Variants in SUGP1 observed in about 807,000 individuals in gnomAD.
SUGP1 encodes the protein SURP and G-patch domain containing 1, also known as SURP and G-patch domain-containing protein 1.
SUGP1 carries 34 observed loss-of-function variants against 76.5 expected under a neutral mutation model. The observed-to-expected ratio is 0.44, with a 90% CI of 0.34 to 0.59. The LOEUF is 0.59. SUGP1 is among the 20% of genes least tolerant of loss of function. SUGP1 has a pLI of 0.01. For synonymous variants in SUGP1, 326 were observed against 326.2 expected (o/e 1.00, Z 0.01); for missense variants, 752 against 851.7 (o/e 0.88, Z 1.46).
intron 2 of SUGP1, among the ~76,000 whole-genome samples, chr19:19,310,433 A>T (rs1221884042): frequency 6.6e-6 from 1 of 152,230 alleles, no homozygotes; most frequent in East Asian, 1.9e-4. Context: ...TTCTGATAAA[A>T]GCAATACTCC....
intron 7 of SUGP1, among the ~76,000 whole-genome samples, chr19:19,297,735 AGG>A (rs2061239513): frequency 6.6e-6 from 1 of 152,214 alleles, no homozygotes; most frequent in Non-Finnish European, 1.5e-5. Context: ...GACAGGGCAG[AGG>A]GACTTGTCTT....
chr19:19,280,647 G>A, intron 8 of SUGP1: 1 of 256,886 alleles, frequency 3.9e-6, no homozygotes, highest in South Asian at 6.4e-5. Flanking sequence ...GAGACGGCAT[G>A]TGGGCAGCAT....
At chr19:19,318,340 G>A (rs1037716799) in intron 1 of SUGP1, among the ~76,000 whole-genome samples, 13 of 150,526 alleles carry the variant, frequency 8.6e-5, no homozygotes, top group African/African-American at 3.2e-4. Context: ...GGCTGGTCTC[G>A]AATTCCTGAC....
At chr19:19,294,445 G>A (rs1043858307) in intron 8 of SUGP1, among the ~76,000 whole-genome samples, 11 of 146,802 alleles carry the variant, frequency 7.5e-5, no homozygotes, top group African/African-American at 2.8e-4. Flanking sequence ...GACCACTTGA[G>A]CTTGGGGAGG....
intron 8 of SUGP1, among the ~76,000 whole-genome samples, chr19:19,295,011 T>C: frequency 6.6e-6 from 1 of 151,808 alleles, no homozygotes; most frequent in East Asian, 1.9e-4. Flanking sequence ...AACTTTAAAA[T>C]GGGAAAAGGT....
chr19:19,283,559 A>T (rs138295924), intron 8 of SUGP1, among the ~76,000 whole-genome samples: 1 of 151,916 alleles, frequency 6.6e-6, no homozygotes, highest in South Asian at 2.1e-4. Context: ...GGTTCAAGAG[A>T]TTCTCCTGCC....
chr19:19,312,794 T>C (rs1001364068), intron 2 of SUGP1, among the ~76,000 whole-genome samples: 1 of 151,636 alleles, frequency 6.6e-6, no homozygotes, highest in African/African-American at 2.4e-5. Flanking sequence ...GAGACCATCC[T>C]GGCTAAAACA....
intron 2 of SUGP1, among the ~76,000 whole-genome samples, chr19:19,315,666 C>T (rs540297774): frequency 4.5e-4 from 68 of 152,322 alleles, no homozygotes; most frequent in African/African-American, 1.6e-3. Flanking sequence ...CCTTTCTCTG[C>T]TTCCTCAGTG....
chr19:19,314,343 T>C (rs1252921143), intron 2 of SUGP1, among the ~76,000 whole-genome samples: 2 of 151,418 alleles, frequency 1.3e-5, no homozygotes, highest in Non-Finnish European at 2.9e-5. Flanking sequence ...AATTAATTAA[T>C]TAAATAAAAT....
chr19:19,311,767 A>T (rs893314331), intron 2 of SUGP1, among the ~76,000 whole-genome samples: 2 of 151,666 alleles, frequency 1.3e-5, no homozygotes, highest in Non-Finnish European at 2.9e-5. Flanking sequence ...ATGATGCCCA[A>T]AGAAATGCTT....
intron 8 of SUGP1, among the ~76,000 whole-genome samples, chr19:19,290,804 C>CATTT (rs971349522): frequency 6.6e-6 from 1 of 151,990 alleles, no homozygotes; most frequent in Non-Finnish European, 1.5e-5. Context: ...ATATAACAAT[C>CATTT]ATTTATTTAT....
At chr19:19,310,722 C>A (rs901649269) in intron 2 of SUGP1, among the ~76,000 whole-genome samples, 1 of 152,214 alleles carries the variant, frequency 6.6e-6, no homozygotes, top group Non-Finnish European at 1.5e-5. Flanking sequence ...TGGCTCACTG[C>A]AACCTCCTCC....
At chr19:19,299,411 C>T (rs539420813) in intron 7 of SUGP1, among the ~76,000 whole-genome samples, 1 of 152,004 alleles carries the variant, frequency 6.6e-6, no homozygotes, top group Non-Finnish European at 1.5e-5. Flanking sequence ...CTTGCTCTGT[C>T]GCCCAGGCTG....
rs533331494 is a variant in SUGP1, at chr19:19,288,813, T to A, written c.1243+8176A>T. On this transcript the variant is annotated intron_variant, in intron 8 of 13. Coordinates refer to ENST00000247001, the MANE Select transcript of SUGP1 (RefSeq NM_172231.4). ...TTTTTTCTTTTTTTGTGAGACGGAG[T>A]CTTGCTCTGTTACCTGGGCTGGAGT... Among the ~76,000 whole-genome samples the A allele has an allele frequency of 2.0e-5, 3 of 151,772 alleles. No homozygotes were observed. In the East Asian group the frequency reaches 5.9e-4, roughly 30 times the overall value.
chr19:19,314,260 T>G (rs1470824673), intron 2 of SUGP1, among the ~76,000 whole-genome samples: 1 of 151,754 alleles, frequency 6.6e-6, no homozygotes, highest in Non-Finnish European at 1.5e-5. Context: ...CAGGCGGAGG[T>G]TGTAGTGAGC....
At chr19:19,319,726 A>AAAAAAAAG (rs1555791701) in intron 1 of SUGP1, among the ~76,000 whole-genome samples, 1 of 147,338 alleles carries the variant, frequency 6.8e-6, no homozygotes, top group Non-Finnish European at 1.5e-5. Flanking sequence ...AAAAAAAAAA[A>AAAAAAAAG]AAAGAAAGAA....
chr19:19,279,304 G>T lies in SUGP1; in HGVS notation c.1437C>A (p.His479Gln). ...QLLWEKAVQQ[H>Q]QHGYDSDEEV... ...CCTCATCACTGTCATAGCCGTGCTG[G>T]TGCTGTTGGACTGCCTTCTCCCACA... Residue 479 changes from histidine to glutamine, a missense_variant, in exon 10 of 14, where the codon CAC (histidine) becomes CAA (glutamine). By Grantham distance (24) the His-to-Gln change is conservative (BLOSUM62 0). Coordinates refer to ENST00000247001, the MANE Select transcript of SUGP1 (RefSeq NM_172231.4). The T allele has an allele frequency of 6.2e-7, 1 of 1,611,380 alleles. No homozygotes were observed. Among genetic ancestry groups the T allele is most frequent in the Non-Finnish European group, 8.5e-7 (1 of 1,179,816 alleles).
chr19:19,288,359 T>C (rs2061157062), intron 8 of SUGP1, among the ~76,000 whole-genome samples: 2 of 152,190 alleles, frequency 1.3e-5, no homozygotes, highest in Admixed American at 6.6e-5. Context: ...CTTAGTAATA[T>C]TTTCTTTCTT....
rs1440943565 is a variant in SUGP1 at position 19,315,897 on chromosome 19, T to C, written c.206+525A>G. Among the ~76,000 whole-genome samples, 4 of 151,812 alleles carry C rather than the reference T, an allele frequency of 2.6e-5. 1 individual carries two copies. Among genetic ancestry groups the C allele is most frequent in the Non-Finnish European group, 5.9e-5 (4 of 67,948 alleles). On this transcript the variant is annotated intron_variant, in intron 2 of 13. Coordinates refer to ENST00000247001, the MANE Select transcript of SUGP1 (RefSeq NM_172231.4). ...CCCAGGGTAGTGTACAGTGGCACGA[T>C]CTCAACTCACTGCAACCTTTGCCTG... is the stretch of plus-strand genomic sequence containing the variant.
Sources: gnomAD v4.1 joint callset for allele counts (sites outside exome capture counted in the v4.1 genomes callset) on GRCh38, gnomAD v4.1.1 for gene constraint, MANE v1.5 for transcripts, NCBI Gene and HGNC (gene_info 2026-07-23, HGNC 2026-07-21) for gene names.